TRANK1: variants seen among roughly 807,000 people sequenced by gnomAD.
The protein encoded by TRANK1 is TPR and ankyrin repeat-containing protein 1.
TRANK1 carries 198 observed loss-of-function variants against 266.0 expected under a neutral mutation model. The ratio of observed to expected loss-of-function variants is 0.74; its 90% CI spans 0.66 to 0.84. TRANK1 has a LOEUF of 0.84. Among genes scored for constraint, TRANK1 ranks in the 40% least tolerant of loss-of-function variants. The pLI is 0.00. For missense variants in TRANK1, 3,326 were observed against 3,634.6 expected (o/e 0.92, Z 2.18); for synonymous variants, 1,396 against 1,384.1 (o/e 1.01, Z -0.19).
rs908998169 is a variant in TRANK1 at position 36,856,468 on chromosome 3, C to G, written c.3254G>C (p.Cys1085Ser). Reference sequence around the variant, plus strand: ...TTTCTTCCACAATCTGTACAAGCAGCAGGTTGTCTTCCCAGTGCCACTTCG... The same window carrying G: ...TTTCTTCCACAATCTGTACAAGCAGGAGGTTGTCTTCCCAGTGCCACTTCG... ...IGRSGTGKTT[C>S]CLYRLWKKFH... is the part of the protein sequence containing the mutation. The change falls in exon 13 of 24, where the codon TGC (cysteine) becomes TCC (serine). Residue 1085 changes from cysteine (C) to serine (S), a missense_variant. Coordinates refer to ENST00000645898, the MANE Select transcript of TRANK1 (RefSeq NM_001329998.2). 5 of 1,613,886 alleles carry G rather than the reference C, an allele frequency of 3.1e-6. No homozygotes were observed. The highest frequency in any genetic ancestry group is 4.2e-6 in the Non-Finnish European group (5 of 1,179,898).
At chr3:36,920,157 C>T (rs910001380) in intron 1 of TRANK1, among the ~76,000 whole-genome samples, 1 of 152,158 alleles carries the variant, frequency 6.6e-6, no homozygotes, top group South Asian at 2.1e-4. Flanking sequence ...ATAGTGACAG[C>T]GTGGTGCCAG....
At chr3:36,936,002 C>T (rs1274647013) in intron 1 of TRANK1, among the ~76,000 whole-genome samples, 1 of 151,198 alleles carries the variant, frequency 6.6e-6, no homozygotes, top group Admixed American at 6.6e-5. Context: ...TTGGGGAAAA[C>T]AAAGGGAAAA....
intron 1 of TRANK1, among the ~76,000 whole-genome samples, chr3:36,933,731 C>G (rs181054768): frequency 3.9e-4 from 60 of 152,338 alleles, no homozygotes; most frequent in Non-Finnish European, 7.5e-4. Flanking sequence ...TTTACAGAAC[C>G]TTTGCTTTGT....
chr3:36,886,055 G>A (rs6765624), intron 8 of TRANK1, among the ~76,000 whole-genome samples: 49,892 of 151,526 alleles, frequency 0.33, 9,223 homozygotes, highest in East Asian at 0.57. Context: ...CTCATTCGTT[G>A]GAGGTCATAG....
At chr3:36,897,590 T>C (rs1458301294) in intron 4 of TRANK1, among the ~76,000 whole-genome samples, 2 of 152,222 alleles carry the variant, frequency 1.3e-5, no homozygotes. Context: ...ATGGGAACAG[T>C]TTGATTGATA....
intron 2 of TRANK1, among the ~76,000 whole-genome samples, chr3:36,906,321 T>C (rs1055859625): frequency 6.6e-6 from 1 of 152,198 alleles, no homozygotes; most frequent in Non-Finnish European, 1.5e-5. Context: ...GTGTGCACCC[T>C]ACAGATGCCA....
At chr3:36,851,655 C>T (rs563938166) in intron 15 of TRANK1, 64 bp downstream of exon 15, 28 of 1,537,906 alleles carry the variant, frequency 1.8e-5, no homozygotes, top group Non-Finnish European at 2.4e-5. Context: ...AATTCTCTTC[C>T]CCAGAGGGAA....
At position 36,838,732 on chromosome 3, in the gene TRANK1, A is replaced by T. The variant is rs1316228774; in HGVS notation, c.5281-16T>A. ...TGGCTGCAACCTGGAATAGGCAAAAAGTTTTATTCCCAGCAAGGTAATGGA... is the reference window on the plus strand; with the variant it reads ...TGGCTGCAACCTGGAATAGGCAAAATGTTTTATTCCCAGCAAGGTAATGGA... On this transcript the variant is annotated splice_polypyrimidine_tract_variant and intron_variant, in intron 18 of 23. Transcript: ENST00000645898. 6.2e-7 allele frequency: 1 copy of T among 1,609,092 alleles called. No homozygotes were observed. Among genetic ancestry groups the T allele is most frequent in the Non-Finnish European group, 8.5e-7 (1 of 1,177,360 alleles).
chr3:36,938,743 G>A (rs2080457546), intron 1 of TRANK1, among the ~76,000 whole-genome samples: 1 of 152,036 alleles, frequency 6.6e-6, no homozygotes, highest in African/African-American at 2.4e-5. Context: ...AGGATTGCCT[G>A]AGCTCAGCAG....
At chr3:36,887,503 T>C (rs1414247382) in intron 8 of TRANK1, among the ~76,000 whole-genome samples, 1 of 152,224 alleles carries the variant, frequency 6.6e-6, no homozygotes, top group African/African-American at 2.4e-5. Flanking sequence ...TGACATCACA[T>C]TGGTACCATG....
intron 15 of TRANK1, chr3:36,851,389 C>T: frequency 9.3e-7 from 1 of 1,072,858 alleles, no homozygotes; most frequent in Non-Finnish European, 1.1e-6. Context: ...GTAAGGCTCT[C>T]CTTAGAGCTT....
intron 8 of TRANK1, among the ~76,000 whole-genome samples, chr3:36,885,800 A>G (rs568434292): frequency 2.4e-4 from 37 of 152,088 alleles, no homozygotes; most frequent in Non-Finnish European, 4.4e-4. Flanking sequence ...TTGGCCTCCC[A>G]TAGTGCTGGG....
chr3:36,860,579 A>T (rs1221066543), intron 11 of TRANK1, among the ~76,000 whole-genome samples: 1 of 152,230 alleles, frequency 6.6e-6, no homozygotes, highest in African/African-American at 2.4e-5. Context: ...GCCAGAGGTC[A>T]GGAGGAAATG....
At chr3:36,926,874 C>T (rs1463504789) in intron 1 of TRANK1, among the ~76,000 whole-genome samples, 1 of 152,166 alleles carries the variant, frequency 6.6e-6, no homozygotes, top group Non-Finnish European at 1.5e-5. Context: ...CCTCAATTTT[C>T]CCTTATCCCA....
At chr3:36,895,923 T>C (rs1214803155) in intron 4 of TRANK1, among the ~76,000 whole-genome samples, 165 bp from the exon 5 acceptor site, 1 of 152,234 alleles carries the variant, frequency 6.6e-6, no homozygotes, top group African/African-American at 2.4e-5. Context: ...TTGGTTGAAG[T>C]GGCAATTATT....
At chr3:36,929,593 A>C (rs964304928) in intron 1 of TRANK1, among the ~76,000 whole-genome samples, 10 of 152,232 alleles carry the variant, frequency 6.6e-5, no homozygotes, top group Admixed American at 6.5e-4. Flanking sequence ...GGTACAACTC[A>C]CTAAACATCT....
At chr3:36,888,294 TC>T (rs1465194936) in intron 8 of TRANK1, among the ~76,000 whole-genome samples, 1 of 152,080 alleles carries the variant, frequency 6.6e-6, no homozygotes, top group Admixed American at 6.6e-5. Flanking sequence ...AATAGGCAAA[TC>T]CATAGAGACA....
chr3:36,921,067 T>G (rs1575318982), intron 1 of TRANK1, among the ~76,000 whole-genome samples: 1 of 152,358 alleles, frequency 6.6e-6, no homozygotes, highest in South Asian at 2.1e-4. Context: ...TGACTCATCC[T>G]GGTTACCTGC....
chr3:36,882,247 G>A (rs1193078107), intron 8 of TRANK1, among the ~76,000 whole-genome samples: 2 of 152,104 alleles, frequency 1.3e-5, no homozygotes, highest in Non-Finnish European at 2.9e-5. Context: ...AACATTTGTT[G>A]TTATCTTTTT....
Sources: gnomAD v4.1 joint callset for allele counts (sites outside exome capture counted in the v4.1 genomes callset) on GRCh38, gnomAD v4.1.1 for gene constraint, MANE v1.5 for transcripts, NCBI Gene and HGNC (gene_info 2026-07-23, HGNC 2026-07-21) for gene names.